The following TCOF1 variants were observed in gnomAD, a reference collection of about 807,000 sequenced individuals.
TCOF1 encodes treacle ribosome biogenesis factor 1, also known as treacle protein.
TCOF1 carries 33 observed loss-of-function variants against 149.0 expected under a neutral mutation model. The observed-to-expected ratio is 0.22, with a 90% CI of 0.17 to 0.30. TCOF1 has a LOEUF of 0.30. Ranked by LOEUF, TCOF1 falls within the 10% of genes least tolerant of loss-of-function variation. TCOF1 has a pLI of 1.00. For synonymous variants in TCOF1, 789 were observed against 738.8 expected (o/e 1.07, Z -1.10); for missense variants, 1,728 against 1,840.7 (o/e 0.94, Z 1.12).
intron 6 of TCOF1, among the ~76,000 whole-genome samples, chr5:150,370,461 T>G (rs991949804): frequency 6.6e-6 from 1 of 152,210 alleles, no homozygotes; most frequent in African/African-American, 2.4e-5. Flanking sequence ...GTTCAAGCGA[T>G]TGTCGTGCCT....
At chr5:150,364,346 C>T in intron 3 of TCOF1, 94 bp downstream of exon 3, 2 of 1,562,652 alleles carry the variant, frequency 1.3e-6, no homozygotes, top group South Asian at 2.3e-5. Flanking sequence ...ACTAGAAGAC[C>T]TAAAAGACCC....
Position 150,369,614 on chromosome 5 carries a change from C to T in TCOF1, c.639+12C>T, listed in dbSNP as rs1481308450. ...AGACAGACGTGGAGGTAATTGCCAC[C>T]CATCCCTAGGAGTTGCCCTCTCCCA... On this transcript the variant is annotated intron_variant, in intron 6 of 26. Transcript: ENST00000643257. The T allele has an allele frequency of 4.3e-6, 7 of 1,613,892 alleles. No homozygotes were observed. The highest frequency in any genetic ancestry group is 5.9e-6 in the Non-Finnish European group (7 of 1,179,990).
At chr5:150,393,311 G>T (rs897559658) in intron 22 of TCOF1, 61 bp from the exon 23 acceptor site, 2 of 1,605,506 alleles carry the variant, frequency 1.2e-6, no homozygotes, top group African/African-American at 2.7e-5. Context: ...GCCATGACTC[G>T]GGCTGGGTTA....
intron 6 of TCOF1, 114 bp downstream of exon 6, chr5:150,369,716 G>A: frequency 8.5e-7 from 1 of 1,174,622 alleles, no homozygotes; most frequent in Non-Finnish European, 1.2e-6. Context: ...CTGTGGTAGG[G>A]TGACCAGGAG....
chr5:150,393,318 G>A, intron 22 of TCOF1, 54 bp from the exon 23 acceptor site: 2 of 1,611,358 alleles, frequency 1.2e-6, no homozygotes, highest in South Asian at 2.2e-5. Flanking sequence ...CTCGGGCTGG[G>A]TTATGGCAGT....
rs1271830171 is a variant in TCOF1, at chr5:150,376,346, T to C, written c.2142+16T>C. On this transcript the variant is annotated intron_variant, in intron 13 of 26. Transcript: ENST00000643257. ...CGTGGGACAGGTGAGGCCTGTGTTT[T>C]CTGGGCGGGCCTCAGGGCCGCCCCT... The C allele has an allele frequency of 6.2e-7, 1 of 1,614,078 alleles. No homozygotes were observed. The highest frequency in any genetic ancestry group is 1.7e-5 in the Admixed American group (1 of 60,022).
chr5:150,357,807 G>A lies in TCOF1; in HGVS notation c.61G>A (p.Ala21Thr), dbSNP rs1180702248. Residue 21 changes from alanine to threonine, a missense_variant, in exon 1 of 27, where the codon GCT (alanine) becomes ACT (threonine). Transcript: ENST00000643257. The stretch of plus-strand genomic sequence containing the variant: ...CCTGATCTACCACCATCTGCTGCGG[G>A]CTGGCTATGTGCGTGCGGCGCGGGA... ...LPLIYHHLLR[A>T]GYVRAAREVK... The A allele has an allele frequency of 6.5e-7, 1 of 1,549,960 alleles. No individual in the cohort carries two copies. Among genetic ancestry groups the A allele is most frequent in the East Asian group, 2.4e-5 (1 of 40,878 alleles).
At position 150,379,393 on chromosome 5, in the gene TCOF1, G is replaced by T; in HGVS notation, c.2643G>T (p.Ala881=). 6.2e-7 allele frequency: 1 copy of T among 1,613,594 alleles called. No homozygotes were observed. Among genetic ancestry groups the T allele is most frequent in the South Asian group, 1.1e-5 (1 of 91,050 alleles). Residue 881 remains alanine, a synonymous_variant, in exon 16 of 27, where the codon GCG becomes GCT. Coordinates refer to ENST00000643257, the MANE Select transcript of TCOF1 (RefSeq NM_001371623.1). The part of the protein sequence containing the change: ...SEEESDSEEE[A]ETLAQVKPSG... The stretch of plus-strand genomic sequence containing the variant: ...AGGAGTCAGACAGTGAGGAGGAGGC[G>T]GAGACGCTGGCTCAGGTGAGGGGGA...
chr5:150,374,588 G>A (rs1364144391), intron 8 of TCOF1, 29 bp from the exon 9 acceptor site: 1 of 1,612,382 alleles, frequency 6.2e-7, no homozygotes, highest in Non-Finnish European at 8.5e-7. Context: ...CCATCCTCTG[G>A]GCTGTCTCCC....
At chr5:150,392,427 C>G (rs533533810) in intron 21 of TCOF1, 31 of 609,798 alleles carry the variant, frequency 5.1e-5, no homozygotes, top group Non-Finnish European at 8.3e-5. Flanking sequence ...CCCAAAAACT[C>G]CAGGGCCATG....
Position 150,392,033 on chromosome 5 carries a change from T to G in TCOF1, c.3374T>G (p.Leu1125Arg). Residue 1125 changes from leucine to arginine, a missense_variant, in exon 21 of 27, where the codon CTC becomes CGC. By Grantham distance (102) the Leu-to-Arg change is moderately radical. This residue lies in a region of TCOF1 where 1,696 missense variants were observed against 1,765.4 expected (regional missense o/e 0.96). Coordinates refer to ENST00000643257, the MANE Select transcript of TCOF1 (RefSeq NM_001371623.1). ...GTCCAGGCCAAAGGGACCAACAAGC[T>G]CAGAAAACCTAAGCTTCCTGAGGTC... ...TSVQAKGTNK[L>R]RKPKLPEVQQ... 1 of 1,614,096 alleles carries G rather than the reference T, an allele frequency of 6.2e-7. No individual in the cohort carries two copies. The highest frequency in any genetic ancestry group is 1.1e-5 in the South Asian group (1 of 91,080).
Position 150,393,564 on chromosome 5 carries a change from T to A in TCOF1, c.3784+12T>A. 6.2e-7 allele frequency: 1 copy of A among 1,614,082 alleles called. No individual in the cohort carries two copies. Among genetic ancestry groups the A allele is most frequent in the Non-Finnish European group, 8.5e-7 (1 of 1,180,014 alleles). The stretch of plus-strand genomic sequence containing the variant: ...GTCCCCTAAAACAGGTAAGTTAAGG[T>A]CTGCAGGAGGGACATAGCAGGACAC... On this transcript the variant is annotated intron_variant, in intron 23 of 26. Transcript: ENST00000643257.
intron 25 of TCOF1, 117 bp downstream of exon 25, chr5:150,398,568 CAG>C: frequency 1.3e-6 from 2 of 1,523,950 alleles, no homozygotes; most frequent in Non-Finnish European, 1.8e-6. Context: ...TCGGGGGCGT[CAG>C]GGGTTGTGAC....
intron 17 of TCOF1, among the ~76,000 whole-genome samples, chr5:150,387,501 G>A (rs1480986015): frequency 6.6e-6 from 1 of 152,116 alleles, no homozygotes; most frequent in Non-Finnish European, 1.5e-5. Context: ...ACCACTCCCT[G>A]CATTCAGCAA....
At chr5:150,393,019 G>A in intron 22 of TCOF1, 1 of 613,510 alleles carries the variant, frequency 1.6e-6, no homozygotes, top group South Asian at 1.9e-5. Flanking sequence ...GGGGTCTGTA[G>A]AAGGGATTGA....
Position 150,375,038 on chromosome 5 carries a change from C to T in TCOF1, c.1363C>T (p.Pro455Ser). 4 of 1,613,978 alleles carry T rather than the reference C, an allele frequency of 2.5e-6. No individual in the cohort carries two copies. Among genetic ancestry groups the T allele is most frequent in the African/African-American group, 1.3e-5 (1 of 75,012 alleles). ...CCCCAGGAAAGGGGCTGCCCCAGCA[C>T]CTCCTAGGAAAACAGGGCCTGCAGC... ...ESPRKGAAPAPPRKTGPAAAQ... is the reference protein window; with the variant it reads ...ESPRKGAAPASPRKTGPAAAQ... The change falls in exon 10 of 27, where the codon CCT (proline) becomes TCT (serine). Residue 455 changes from proline (P) to serine (S), a missense_variant. Pro to Ser is a moderately conservative substitution (Grantham distance 74). Coordinates refer to ENST00000643257, the MANE Select transcript of TCOF1 (RefSeq NM_001371623.1).
At chr5:150,386,904 G>C (rs1219863715) in intron 17 of TCOF1, among the ~76,000 whole-genome samples, 2 of 152,226 alleles carry the variant, frequency 1.3e-5, no homozygotes, top group African/African-American at 4.8e-5. Flanking sequence ...AGCTGCTGTT[G>C]CTTGTTTGCT....
At chr5:150,391,694 G>A (rs1581201962) in intron 20 of TCOF1, 37 bp downstream of exon 20, 1 of 1,583,946 alleles carries the variant, frequency 6.3e-7, no homozygotes, top group South Asian at 1.1e-5. Flanking sequence ...AGCCCACGGA[G>A]CGTAGAAGGT....
chr5:150,393,952 A>G (rs1767932475), intron 23 of TCOF1: 4 of 309,404 alleles, frequency 1.3e-5, no homozygotes, highest in South Asian at 8.8e-5. Context: ...TTGAGGCTAT[A>G]GTGAGCCATG....
Sources: gnomAD v4.1 joint callset for allele counts (sites outside exome capture counted in the v4.1 genomes callset) on GRCh38, gnomAD v4.1.1 for gene constraint, gnomAD v4.1.1 regional missense constraint, MANE v1.5 for transcripts, NCBI Gene and HGNC (gene_info 2026-07-23, HGNC 2026-07-21) for gene names.